Variants in ARHGAP26 observed in about 807,000 individuals in gnomAD.
ARHGAP26 encodes Rho GTPase activating protein 26, also known as rho GTPase-activating protein 26.
In ARHGAP26, 38 loss-of-function variants were observed where a neutral mutation model predicts 104.8. The observed-to-expected ratio is 0.36, with a 90% CI of 0.28 to 0.48. The LOEUF is 0.48. ARHGAP26 is among the 20% of genes least tolerant of loss of function. ARHGAP26 has a pLI of 0.99. For missense variants in ARHGAP26, 704 were observed against 947.9 expected (o/e 0.74, Z 3.38); for synonymous variants, 341 against 340.0 (o/e 1.00, Z -0.03).
At chr5:142,917,559 T>C (rs1012027723) in intron 10 of ARHGAP26, among the ~76,000 whole-genome samples, 4 of 152,160 alleles carry the variant, frequency 2.6e-5, no homozygotes, top group African/African-American at 9.7e-5. Context: ...TTATATCTAC[T>C]CCTCTGTGAC....
intron 17 of ARHGAP26, among the ~76,000 whole-genome samples, chr5:143,091,330 A>G (rs1791412899): frequency 6.6e-6 from 1 of 152,192 alleles, no homozygotes; most frequent in South Asian, 2.1e-4. Context: ...GCTATTTACC[A>G]GAAATTCTAG....
At chr5:142,859,419 CTTTT>C (rs1752935754) in intron 1 of ARHGAP26, among the ~76,000 whole-genome samples, 1 of 152,120 alleles carries the variant, frequency 6.6e-6, no homozygotes, top group South Asian at 2.1e-4. Flanking sequence ...TGTTTTCTTT[CTTTT>C]CTGGTTTCTT....
At chr5:143,171,594 T>C (rs1802777512) in intron 20 of ARHGAP26, among the ~76,000 whole-genome samples, 1 of 152,224 alleles carries the variant, frequency 6.6e-6, no homozygotes, top group Non-Finnish European at 1.5e-5. Context: ...CTCTTTAAAC[T>C]TTAAATATGT....
chr5:142,951,139 A>G (rs1336487784), intron 11 of ARHGAP26, among the ~76,000 whole-genome samples: 1 of 151,728 alleles, frequency 6.6e-6, no homozygotes. Context: ...AGCTCACTGC[A>G]ACCTCCACCT....
intron 17 of ARHGAP26, among the ~76,000 whole-genome samples, chr5:143,096,599 T>C (rs1342075659): frequency 6.6e-6 from 1 of 152,214 alleles, no homozygotes; most frequent in African/African-American, 2.4e-5. Context: ...GCACCTTTCC[T>C]CCTTCGTTAT....
chr5:143,011,081 C>G (rs1442923270), intron 11 of ARHGAP26: 1 of 152,360 alleles, frequency 6.6e-6, no homozygotes, highest in Non-Finnish European at 1.5e-5. Context: ...GCCCCTCTGC[C>G]CTATCCTTAT....
chr5:143,062,007 C>T (rs57236342), intron 17 of ARHGAP26, among the ~76,000 whole-genome samples: 7,324 of 152,150 alleles, frequency 0.048, 558 homozygotes, highest in African/African-American at 0.16. Context: ...TTATCTGAGC[C>T]ACTTGTGGGA....
chr5:143,066,288 A>T (rs1787469052), intron 17 of ARHGAP26, among the ~76,000 whole-genome samples: 1 of 152,240 alleles, frequency 6.6e-6, no homozygotes, highest in Non-Finnish European at 1.5e-5. Context: ...GGGTTTGTGC[A>T]AATGCACTCT....
intron 1 of ARHGAP26, chr5:142,772,583 C>G (rs749435707): frequency 5.3e-6 from 2 of 376,116 alleles, no homozygotes; most frequent in Non-Finnish European, 1.0e-5. Flanking sequence ...TCATTCCAGG[C>G]ACTGCTTCAC....
chr5:142,999,501 A>C (rs1419543800), intron 11 of ARHGAP26, among the ~76,000 whole-genome samples: 1 of 152,198 alleles, frequency 6.6e-6, no homozygotes, highest in Non-Finnish European at 1.5e-5. Context: ...ATTTGTATTT[A>C]AAACCAGTGA....
chr5:143,129,962 A>G (rs973205501), intron 18 of ARHGAP26, among the ~76,000 whole-genome samples: 2 of 152,162 alleles, frequency 1.3e-5, no homozygotes, highest in Non-Finnish European at 1.5e-5. Context: ...TTTGAACCCT[A>G]CTCTGTCTAG....
intron 20 of ARHGAP26, among the ~76,000 whole-genome samples, chr5:143,185,316 A>G (rs1804973839): frequency 6.6e-6 from 1 of 151,508 alleles, no homozygotes. Flanking sequence ...GAGTACTGAT[A>G]AGATTGGTTT....
At chr5:143,014,893 A>G (rs1267513341) in intron 12 of ARHGAP26, among the ~76,000 whole-genome samples, 1 of 152,200 alleles carries the variant, frequency 6.6e-6, no homozygotes, top group African/African-American at 2.4e-5. Context: ...ACTTGAGAAA[A>G]AATTTAAAGG....
chr5:142,838,759 A>G (rs534582867), intron 1 of ARHGAP26, among the ~76,000 whole-genome samples: 1 of 152,332 alleles, frequency 6.6e-6, no homozygotes, highest in South Asian at 2.1e-4. Flanking sequence ...TGTGGGATCA[A>G]CTTTGGAAAA....
chr5:142,943,152 A>C (rs1766625082), intron 11 of ARHGAP26, among the ~76,000 whole-genome samples: 1 of 152,208 alleles, frequency 6.6e-6, no homozygotes, highest in Non-Finnish European at 1.5e-5. Context: ...TTTGGCTCAT[A>C]GTATCTGGCA....
intron 1 of ARHGAP26, among the ~76,000 whole-genome samples, chr5:142,863,698 G>C (rs925325948): frequency 3.3e-5 from 5 of 152,120 alleles, no homozygotes; most frequent in African/African-American, 1.2e-4. Context: ...GTGGTGCCTG[G>C]ATCAGCACCA....
intron 1 of ARHGAP26, among the ~76,000 whole-genome samples, chr5:142,861,094 A>T (rs1753242983): frequency 6.6e-6 from 1 of 152,106 alleles, no homozygotes; most frequent in Non-Finnish European, 1.5e-5. Flanking sequence ...TTGCTGGAGC[A>T]TGAGTTCCTG....
intron 11 of ARHGAP26, among the ~76,000 whole-genome samples, chr5:142,976,387 A>G (rs1773091890): frequency 6.6e-6 from 1 of 152,236 alleles, no homozygotes. Flanking sequence ...GACAGGGGTT[A>G]TCGGCTAAAG....
Position 142,907,741 on chromosome 5 carries a change from A to C in ARHGAP26, c.870A>C (p.Thr290=). The stretch of plus-strand genomic sequence containing the variant: ...CTTCTTGGGTGAAGCACTACTGTAC[A>C]TATCAACGGGATTCCAAACAAATCA... ...FGTSWVKHYC[T]YQRDSKQITM... The change falls in exon 9 of 23, where the codon ACA becomes ACC. Residue 290 remains threonine, a synonymous_variant. Coordinates refer to ENST00000645722, the MANE Select transcript of ARHGAP26 (RefSeq NM_001135608.3). 1 of 1,612,372 alleles carries C rather than the reference A, an allele frequency of 6.2e-7. No homozygotes were observed. The highest frequency in any genetic ancestry group is 8.5e-7 in the Non-Finnish European group (1 of 1,178,846).
Sources: allele counts gnomAD v4.1 joint callset (sites outside exome capture counted in the v4.1 genomes callset), GRCh38; gene constraint gnomAD v4.1.1; transcripts MANE v1.5; gene names NCBI Gene and HGNC (gene_info 2026-07-23, HGNC 2026-07-21).